ARL1: variants seen among roughly 807,000 people sequenced by gnomAD.
ARL1 encodes ADP-ribosylation factor-like protein 1.
Under a neutral mutation model 30.1 loss-of-function variants are expected in ARL1, and 17 were observed. The observed-to-expected ratio is 0.56, with a 90% confidence interval of 0.39 to 0.85. ARL1 has a LOEUF of 0.85. ARL1 is among the 40% of genes least tolerant of loss of function. The pLI, the probability that ARL1 is intolerant of heterozygous loss-of-function variation, is 0.00. For synonymous variants in ARL1, 58 were observed against 71.7 expected, an observed-to-expected ratio of 0.81 and a Z score of 0.97; for missense variants, 102 against 212.6, an observed-to-expected ratio of 0.48 and a Z score of 3.24.
chr12:101,405,880 T>C lies in ARL1; in HGVS notation c.106A>G (p.Arg36Gly). 6.4e-7 allele frequency: 1 copy of C among 1,564,846 alleles called. No individual in the cohort carries two copies. The highest frequency in any genetic ancestry group is 8.7e-7 in the Non-Finnish European group (1 of 1,152,968). ...DGAGKTTILY[R>G]LQVGEVVTTI... is the part of the protein sequence containing the mutation. ...GTAACAACTTCTCCCACTTGTAATCTGTACAAAATTGTGGTTTTTCCTGCT... is the reference window on the plus strand; with the variant it reads ...GTAACAACTTCTCCCACTTGTAATCCGTACAAAATTGTGGTTTTTCCTGCT... Residue 36 changes from arginine (R) to glycine (G), a missense_variant, in exon 2 of 6, where the codon AGA becomes GGA. Physicochemically the swap from Arg to Gly is moderately radical, Grantham distance 125. Coordinates refer to ENST00000261636, the MANE Select transcript of ARL1 (RefSeq NM_001177.6).
chr12:101,396,682 T>C (rs1181922792), intron 4 of ARL1, 105 bp from the exon 5 acceptor site: 3 of 798,020 alleles, frequency 3.8e-6, no homozygotes, highest in Admixed American at 3.2e-5. Flanking sequence ...AATTAATATA[T>C]TACACATTAT....
At chr12:101,400,981 C>A in intron 4 of ARL1, 81 bp downstream of exon 4, 1 of 924,592 alleles carries the variant, frequency 1.1e-6, no homozygotes, top group Admixed American at 2.1e-5. Context: ...GGGAACAACC[C>A]CTGCATTCTT....
intron 4 of ARL1, among the ~76,000 whole-genome samples, chr12:101,399,370 G>A (rs1871238843): frequency 6.6e-6 from 1 of 151,814 alleles, no homozygotes; most frequent in Non-Finnish European, 1.5e-5. Context: ...AAATAAGCCG[G>A]GTGTGGTGGC....
intron 4 of ARL1, among the ~76,000 whole-genome samples, chr12:101,397,024 T>C (rs1450479855): frequency 6.6e-6 from 1 of 152,232 alleles, no homozygotes; most frequent in Non-Finnish European, 1.5e-5. Flanking sequence ...TATTAGAGTC[T>C]TTCCACTAGA....
intron 4 of ARL1, among the ~76,000 whole-genome samples, chr12:101,398,643 G>A (rs1565814884): frequency 1.3e-5 from 2 of 151,646 alleles, no homozygotes; most frequent in Non-Finnish European, 2.9e-5. Flanking sequence ...AGATATGGGT[G>A]GCCAGGCTGG....
chr12:101,407,620 G>A, intron 1 of ARL1, 22 bp downstream of exon 1: 2 of 1,609,988 alleles, frequency 1.2e-6, no homozygotes, highest in Non-Finnish European at 1.7e-6. Context: ...GCGCGCCCAG[G>A]TGCCCTTCTC....
At chr12:101,401,030 C>T in intron 4 of ARL1, 32 bp downstream of exon 4, 1 of 1,376,090 alleles carries the variant, frequency 7.3e-7, no homozygotes, top group Non-Finnish European at 1.0e-6. Context: ...TAAATGACTG[C>T]CCCACATTTT....
chr12:101,406,055 C>T, intron 1 of ARL1, 74 bp from the exon 2 acceptor site: 1 of 1,192,702 alleles, frequency 8.4e-7, no homozygotes. Context: ...CTAACCTTGT[C>T]CTTTGAGAGC....
Position 101,400,971 on chromosome 12 carries a change from G to A in ARL1, c.336+91C>T, listed in dbSNP as rs541577752. 77 of 834,990 alleles carry A rather than the reference G, an allele frequency of 9.2e-5. No individual in the cohort carries two copies. The African/African-American group carries it at 1.2e-3, about 13-fold the overall frequency. 51.7% of individuals were successfully genotyped at this position (834,990 alleles called of 1,614,324 possible). On this transcript the variant is annotated intron_variant, in intron 4 of 5. Transcript: ENST00000261636. ...AAGAAAATAATTTTAAAAGGATGGA[G>A]GGAACAACCCCTGCATTCTTTTTAA...
chr12:101,405,820 T>TTAGC, intron 2 of ARL1, 24 bp downstream of exon 2: 1 of 1,526,252 alleles, frequency 6.6e-7, no homozygotes. Flanking sequence ...GTCCCTACAA[T>TTAGC]TAGCTCATCA....
At chr12:101,400,030 T>G (rs929542284) in intron 4 of ARL1, among the ~76,000 whole-genome samples, 2 of 151,994 alleles carry the variant, frequency 1.3e-5, no homozygotes, top group Admixed American at 6.6e-5. Flanking sequence ...TGGGTTCAAG[T>G]GACTCTCCTG....
rs1871488267 is a variant in ARL1, at chr12:101,407,712, C to T, written c.-67G>A. ...TTGGCCTTCGGCTGCAGCTCCGAGG[C>T]GGTTTCCTCGCAAGCCCAGTCAGCC... On this transcript the variant is annotated 5_prime_UTR_variant, in exon 1 of 6. Transcript: ENST00000261636. The T allele has an allele frequency of 3.1e-6, 5 of 1,607,726 alleles. No homozygotes were observed. Among genetic ancestry groups the T allele is most frequent in the Non-Finnish European group, 4.2e-6 (5 of 1,177,746 alleles).
At position 101,395,032 on chromosome 12, in the gene ARL1, A is replaced by T. The variant is rs1481346079; in HGVS notation, c.*608T>A. ...ACCGATCAACTAGATCAATATATGT[A>T]AGATTTTTTTTGACAACTGTAAAGT... is the stretch of plus-strand genomic sequence containing the variant. On this transcript the variant is annotated 3_prime_UTR_variant, in exon 6 of 6. Transcript: ENST00000261636. The T allele has an allele frequency of 6.6e-6, 1 of 152,418 alleles. No homozygotes were observed. The highest frequency in any genetic ancestry group is 1.5e-5 in the Non-Finnish European group (1 of 68,078). 9.4% of individuals were successfully genotyped at this position (152,418 alleles called of 1,614,324 possible).
In ARL1 at chr12:101,396,437, T is replaced by C. The variant is rs1021684257; in HGVS notation, c.477A>G (p.Ser159=). The change falls in exon 5 of 6, where the codon TCA becomes TCG. Residue 159 remains serine, a synonymous_variant. Transcript: ENST00000261636. ...KDRKWQIFKT[S]ATKGTGLDEA... is the part of the protein sequence containing the mutation. ...CATCAAGGCCGGTGCCTTTGGTTGC[T>C]GACGTTTTGAATATCTGCCATTTTC... The C allele has an allele frequency of 6.8e-6, 11 of 1,614,056 alleles. No homozygotes were observed. Among genetic ancestry groups the C allele is most frequent in the Non-Finnish European group, 8.5e-6 (10 of 1,179,908 alleles).
At chr12:101,406,680 T>C (rs529944403) in intron 1 of ARL1, among the ~76,000 whole-genome samples, 2 of 152,206 alleles carry the variant, frequency 1.3e-5, no homozygotes, top group South Asian at 4.2e-4. Flanking sequence ...TGCCACACTG[T>C]TATTTGGCAA....
At position 101,399,509 on chromosome 12, in the gene ARL1, TAAA is replaced by T. The variant is rs200979843; in HGVS notation, c.336+1550_336+1552del. Among the ~76,000 whole-genome samples, 419 of 110,426 alleles carry T rather than the reference TAAA, an allele frequency of 3.8e-3. 3 individuals are homozygous for T. The highest frequency in any genetic ancestry group is 0.018 in the African/African-American group (406 of 22,204). 72.4% of individuals were successfully genotyped at this position (110,426 alleles called of 152,430 possible). A position where few individuals can be genotyped will look rare whatever the true frequency, so the allele number is the denominator to read the frequency against. The stretch of plus-strand genomic sequence containing the variant: ...CTGGGCGACAGAGCAAGACTCTGTC[TAAA>T]AAAAAAAAAAAAAAAAAAAAAAAAA... On this transcript the variant is annotated intron_variant, in intron 4 of 5. Transcript: ENST00000261636.
At chr12:101,405,784 T>A (rs1871424382) in intron 2 of ARL1, 60 bp downstream of exon 2, 26 of 1,463,058 alleles carry the variant, frequency 1.8e-5, no homozygotes, top group Non-Finnish European at 2.4e-5. Flanking sequence ...AAGAAAGAAA[T>A]AGTTATGTTG....
At chr12:101,403,056 A>T in intron 2 of ARL1, 110 bp from the exon 3 acceptor site, 10 of 516,546 alleles carry the variant, frequency 1.9e-5, no homozygotes, top group Non-Finnish European at 3.1e-5. Context: ...TAGAGTTTAA[A>T]ATATATATAT....
intron 1 of ARL1, chr12:101,407,341 G>A (rs1051810747): frequency 1.9e-5 from 7 of 374,756 alleles, no homozygotes; most frequent in East Asian, 3.9e-5. Flanking sequence ...AGCTGGGGAT[G>A]AGGGAAAACT....
Sources: gnomAD v4.1 joint callset for allele counts (sites outside exome capture counted in the v4.1 genomes callset) on GRCh38, gnomAD v4.1.1 for gene constraint, MANE v1.5 for transcripts, NCBI Gene and HGNC (gene_info 2026-07-23, HGNC 2026-07-21) for gene names.